NRG3: variants seen among roughly 807,000 people sequenced by gnomAD.
The protein encoded by NRG3 is neuregulin 3.
A neutral mutation model predicts 66.9 loss-of-function variants in NRG3; 31 were observed. The observed-to-expected ratio is 0.46, with a 90% CI of 0.35 to 0.63. The LOEUF (loss-of-function observed/expected upper bound fraction) is 0.63, where lower values mean the gene tolerates loss of function less well. Among genes scored for constraint, NRG3 ranks in the 20% least tolerant of loss-of-function variants. The probability of loss-of-function intolerance (pLI) is 0.00; values close to 1 mark genes in which losing one functional copy is unlikely to be tolerated. For missense variants in NRG3, 910 were observed against 878.9 expected (o/e 1.04, Z -0.45); for synonymous variants, 393 against 359.4 (o/e 1.09, Z -1.06).
At chr10:82,388,850 G>A (rs1171272721) in intron 2 of NRG3, among the ~76,000 whole-genome samples, 4 of 152,070 alleles carry the variant, frequency 2.6e-5, no homozygotes, top group East Asian at 3.9e-4. Context: ...CCATACCATC[G>A]GCATCAAAGT....
rs536141100 is a variant in NRG3 at position 82,410,259 on chromosome 10, A to G, written c.953+51391A>G. Among the ~76,000 whole-genome samples the G allele has an allele frequency of 2.6e-5, 4 of 152,174 alleles. No homozygotes were observed. The South Asian group carries it at 8.3e-4, about 32-fold the overall frequency. The stretch of plus-strand genomic sequence containing the variant: ...GTAATTCCAGCACTTTTGGAGGCCG[A>G]GGTGGATCTTATCTTATGTATTATT... On this transcript the variant is annotated intron_variant, in intron 2 of 8. Coordinates refer to ENST00000372141, the MANE Select transcript of NRG3 (RefSeq NM_001010848.4).
intron 1 of NRG3, among the ~76,000 whole-genome samples, chr10:82,010,963 G>A (rs924907001): frequency 6.6e-6 from 1 of 152,188 alleles, no homozygotes; most frequent in African/African-American, 2.4e-5. Context: ...CCAGAGGGCA[G>A]CTAGTGAGCT....
chr10:82,157,771 G>T (rs560306943), intron 1 of NRG3, among the ~76,000 whole-genome samples: 8 of 151,472 alleles, frequency 5.3e-5, no homozygotes, highest in Admixed American at 3.3e-4. Flanking sequence ...AAGGGAGAAG[G>T]AGGCATAGAA....
At chr10:82,036,923 T>A (rs917342399) in intron 1 of NRG3, among the ~76,000 whole-genome samples, 1 of 152,162 alleles carries the variant, frequency 6.6e-6, no homozygotes, top group East Asian at 1.9e-4. Context: ...CTATAACATG[T>A]CAATAGCCAG....
chr10:82,907,276 T>TGACATTA (rs1844831465), intron 4 of NRG3, among the ~76,000 whole-genome samples: 1 of 152,186 alleles, frequency 6.6e-6, no homozygotes, highest in Non-Finnish European at 1.5e-5. Flanking sequence ...TATATTTATT[T>TGACATTA]GACATTATAC....
At chr10:82,166,740 T>C in intron 1 of NRG3, 1 of 665,694 alleles carries the variant, frequency 1.5e-6, no homozygotes. Flanking sequence ...AATATAATCA[T>C]CTGGTATTAT....
chr10:82,247,893 T>A (rs2077314051), intron 1 of NRG3, among the ~76,000 whole-genome samples: 1 of 152,122 alleles, frequency 6.6e-6, no homozygotes, highest in Admixed American at 6.6e-5. Flanking sequence ...TCTACCTAAC[T>A]TCTCTGCAAA....
intron 6 of NRG3, among the ~76,000 whole-genome samples, chr10:82,971,185 A>G: frequency 6.6e-6 from 1 of 152,140 alleles, no homozygotes; most frequent in East Asian, 1.9e-4. Context: ...ATGAAGAATC[A>G]ACCCCCATGA....
At chr10:82,951,274 T>C (rs893808706) in intron 4 of NRG3, among the ~76,000 whole-genome samples, 195 bp from the exon 5 acceptor site, 1 of 152,192 alleles carries the variant, frequency 6.6e-6, no homozygotes, top group Non-Finnish European at 1.5e-5. Context: ...CAGATACAAA[T>C]AATAGCAACC....
chr10:82,117,198 A>C (rs935598176), intron 1 of NRG3, among the ~76,000 whole-genome samples: 7 of 152,038 alleles, frequency 4.6e-5, no homozygotes, highest in African/African-American at 1.4e-4. Flanking sequence ...CCTACATTAC[A>C]TCCTTGATTT....
intron 1 of NRG3, among the ~76,000 whole-genome samples, chr10:82,016,517 G>A (rs540096572): frequency 6.6e-6 from 1 of 152,096 alleles, no homozygotes; most frequent in Non-Finnish European, 1.5e-5. Context: ...GGCATCATTT[G>A]TTATATTTCA....
intron 2 of NRG3, among the ~76,000 whole-genome samples, chr10:82,719,072 G>A (rs558064814): frequency 4.7e-4 from 72 of 152,178 alleles, no homozygotes; most frequent in Admixed American, 2.0e-3. Context: ...ACCAGACCAG[G>A]GCCATTAGAG....
intron 1 of NRG3, among the ~76,000 whole-genome samples, chr10:82,305,695 T>G (rs7081337): frequency 1.9e-3 from 289 of 152,316 alleles, no homozygotes; most frequent in Middle Eastern, 6.8e-3. Context: ...GTATTATTAT[T>G]TTCTTAAAAG....
chr10:82,178,512 A>G (rs1392442607), intron 1 of NRG3, among the ~76,000 whole-genome samples: 5 of 152,196 alleles, frequency 3.3e-5, no homozygotes, highest in Admixed American at 1.3e-4. Flanking sequence ...TTCACTTAGC[A>G]TAATATCCTG....
chr10:82,517,629 G>A (rs1251135663), intron 2 of NRG3, among the ~76,000 whole-genome samples: 1 of 70,432 alleles, frequency 1.4e-5, no homozygotes, highest in Non-Finnish European at 2.8e-5. Context: ...CTCTCACCCC[G>A]CCCCCCCGTG....
chr10:82,531,552 C>G (rs573295905), intron 2 of NRG3, among the ~76,000 whole-genome samples: 90 of 151,702 alleles, frequency 5.9e-4, no homozygotes, highest in Admixed American at 1.6e-3. Context: ...AATTAATAAA[C>G]AGTTATTTTT....
At chr10:82,566,399 G>A (rs551418025) in intron 2 of NRG3, among the ~76,000 whole-genome samples, 2 of 151,998 alleles carry the variant, frequency 1.3e-5, no homozygotes, top group South Asian at 2.1e-4. Flanking sequence ...AATAGCACAC[G>A]TGTGATATCT....
At chr10:82,219,781 A>G (rs1017156260) in intron 1 of NRG3, among the ~76,000 whole-genome samples, 2 of 152,156 alleles carry the variant, frequency 1.3e-5, no homozygotes, top group East Asian at 3.9e-4. Context: ...CAATAGTCCA[A>G]TGCATTAAAA....
intron 1 of NRG3, among the ~76,000 whole-genome samples, chr10:82,114,710 C>A (rs1475504440): frequency 6.6e-6 from 1 of 152,148 alleles, no homozygotes; most frequent in African/African-American, 2.4e-5. Flanking sequence ...TTTCTAACAG[C>A]TTTTGCCCCT....
Sources: allele counts gnomAD v4.1 joint callset (sites outside exome capture counted in the v4.1 genomes callset), GRCh38; gene constraint gnomAD v4.1.1; transcripts MANE v1.5; gene names NCBI Gene and HGNC (gene_info 2026-07-23, HGNC 2026-07-21).